Variants in STIM2 observed in about 807,000 individuals in gnomAD.
The protein encoded by STIM2 is stromal interaction molecule 2.
STIM2 carries 31 observed loss-of-function variants against 85.8 expected under a neutral mutation model. The observed-to-expected ratio is 0.36, with a 90% confidence interval of 0.27 to 0.49. The LOEUF is 0.49. Ranked by LOEUF, STIM2 falls within the 20% of genes least tolerant of loss-of-function variation. STIM2 has a pLI of 0.98. For synonymous variants in STIM2, 356 were observed against 331.1 expected, an observed-to-expected ratio of 1.08 and a Z score of -0.82; for missense variants, 841 against 927.6, an observed-to-expected ratio of 0.91 and a Z score of 1.21.
At chr4:26,896,395 C>T (rs1307166229) in intron 1 of STIM2, among the ~76,000 whole-genome samples, 1 of 152,170 alleles carries the variant, frequency 6.6e-6, no homozygotes, top group African/African-American at 2.4e-5. Context: ...CCATCATATT[C>T]ACAAGTCCTA....
At chr4:26,913,956 A>C (rs2109061524) in intron 1 of STIM2, among the ~76,000 whole-genome samples, 1 of 152,276 alleles carries the variant, frequency 6.6e-6, no homozygotes, top group Non-Finnish European at 1.5e-5. Context: ...AAGTAGAAAG[A>C]GTGAAGGAGA....
Position 27,007,547 on chromosome 4 carries a change from GA to G in STIM2, c.1001del (p.Lys334ArgfsTer8). The G allele has an allele frequency of 5.1e-6, 8 of 1,554,074 alleles. No individual in the cohort carries two copies. The highest frequency in any genetic ancestry group is 2.5e-5 in the South Asian group (2 of 80,350). The stretch of plus-strand genomic sequence containing the variant: ...CCTTCTTCTAGGTTCGCATGGCTCT[GA>G]AAAAGGCCGAAAAAGAATTTGAACT... On this transcript the variant is annotated frameshift_variant, in exon 8 of 12. Coordinates refer to ENST00000467087, the MANE Select transcript of STIM2 (RefSeq NM_020860.4). LOFTEE classifies it high-confidence loss of function.
chr4:26,918,826 T>C (rs1001511101), intron 1 of STIM2, among the ~76,000 whole-genome samples: 1 of 152,206 alleles, frequency 6.6e-6, no homozygotes, highest in Non-Finnish European at 1.5e-5. Context: ...ATATATTCCA[T>C]AGGGAAAGGG....
Position 26,995,382 on chromosome 4 carries a change from A to G in STIM2, c.401A>G (p.His134Arg), listed in dbSNP as rs768569978. ...ATTCCCCTTTTATCTCCTGCAGTTC[A>G]TAATTGGACCCTTGAAGACACTCTT... Residue 134 changes from histidine (H) to arginine (R), a missense_variant, in exon 4 of 12, where the codon CAT becomes CGT. By Grantham distance (29) the His-to-Arg change is conservative (BLOSUM62 0). This residue lies in a region of STIM2 where 408 missense variants were observed against 525.4 expected (regional missense o/e 0.78). Coordinates refer to ENST00000467087, the MANE Select transcript of STIM2 (RefSeq NM_020860.4). The G allele has an allele frequency of 4.5e-6, 7 of 1,564,896 alleles. No individual in the cohort carries two copies. The highest frequency in any genetic ancestry group is 1.7e-4 in the Middle Eastern group (1 of 5,940).
intron 1 of STIM2, among the ~76,000 whole-genome samples, chr4:26,898,754 A>G (rs1412289691): frequency 1.3e-5 from 2 of 151,904 alleles, no homozygotes; most frequent in Non-Finnish European, 2.9e-5. Context: ...TTTTCCTTTC[A>G]TTTCTTTATG....
At chr4:26,979,900 T>A (rs1727318504) in intron 3 of STIM2, among the ~76,000 whole-genome samples, 1 of 152,202 alleles carries the variant, frequency 6.6e-6, no homozygotes, top group Non-Finnish European at 1.5e-5. Flanking sequence ...ATTCATTTGA[T>A]GTTATTATGA....
At chr4:26,953,987 G>T (rs1335091566) in intron 2 of STIM2, among the ~76,000 whole-genome samples, 1 of 152,076 alleles carries the variant, frequency 6.6e-6, no homozygotes. Flanking sequence ...TCAGATAGCT[G>T]TGGTTATGGA....
intron 2 of STIM2, among the ~76,000 whole-genome samples, chr4:26,936,215 CA>C (rs1725387223): frequency 6.6e-6 from 1 of 152,178 alleles, no homozygotes; most frequent in Non-Finnish European, 1.5e-5. Flanking sequence ...CTGGTCCCAG[CA>C]TTTATTTAGT....
intron 1 of STIM2, chr4:26,874,232 A>C: frequency 4.5e-6 from 2 of 443,950 alleles, no homozygotes; most frequent in Non-Finnish European, 9.0e-6. Flanking sequence ...GGGCTGCGGC[A>C]GGGGTCTCCT....
Position 26,923,154 on chromosome 4 carries a change from C to A in STIM2, c.282+3520C>A, listed in dbSNP as rs1243410779. ...ACGGCAGGGTATTCCAACAGACCTGCAGCTGAGGGTCCTGTCTGTTAGAAG... is the reference window on the plus strand; with the variant it reads ...ACGGCAGGGTATTCCAACAGACCTGAAGCTGAGGGTCCTGTCTGTTAGAAG... On this transcript the variant is annotated intron_variant, in intron 2 of 11. Coordinates refer to ENST00000467087, the MANE Select transcript of STIM2 (RefSeq NM_020860.4). Among the ~76,000 whole-genome samples the A allele has an allele frequency of 2.0e-5, 3 of 151,344 alleles. No individual in the cohort carries two copies. The East Asian group carries it at 5.8e-4, about 29-fold the overall frequency.
chr4:26,922,772 A>T (rs1391122341), intron 2 of STIM2, among the ~76,000 whole-genome samples: 1 of 152,138 alleles, frequency 6.6e-6, no homozygotes, highest in African/African-American at 2.4e-5. Context: ...TCCTGAAACT[A>T]TTTAGGGCCC....
intron 3 of STIM2, among the ~76,000 whole-genome samples, chr4:26,977,792 A>T (rs543016124): frequency 6.6e-6 from 1 of 152,320 alleles, no homozygotes; most frequent in African/African-American, 2.4e-5. Context: ...ATTGAAAAAT[A>T]CTGGTTGAGA....
intron 1 of STIM2, among the ~76,000 whole-genome samples, chr4:26,882,731 G>T (rs1223348438): frequency 6.6e-6 from 1 of 152,026 alleles, no homozygotes; most frequent in East Asian, 1.9e-4. Context: ...CAAAGTGCTG[G>T]TATTACATGA....
chr4:26,966,789 T>C (rs967142753), intron 3 of STIM2, among the ~76,000 whole-genome samples: 15 of 152,128 alleles, frequency 9.9e-5, no homozygotes, highest in Non-Finnish European at 8.8e-5. Context: ...CTTAGCATGT[T>C]TTTATATCTT....
intron 10 of STIM2, among the ~76,000 whole-genome samples, chr4:27,016,485 G>A (rs1014036865): frequency 1.3e-5 from 2 of 152,184 alleles, no homozygotes; most frequent in African/African-American, 4.8e-5. Context: ...GTTGGGAGCA[G>A]TTTTTTATAT....
chr4:26,860,892 G>T lies in STIM2; in HGVS notation c.-327G>T, dbSNP rs1722138938. 1.9e-6 allele frequency: 2 copies of T among 1,036,468 alleles called. No individual in the cohort carries two copies. Among genetic ancestry groups the T allele is most frequent in the Admixed American group, 5.3e-5 (1 of 18,706 alleles). 64.2% of individuals were successfully genotyped at this position (1,036,468 alleles called of 1,614,324 possible). ...AGCAGCAGCGCGGGTGTCGTGCACC[G>T]CCTGAAGACGCCGTACCTTTCTACC... On this transcript the variant is annotated 5_prime_UTR_variant, in exon 1 of 12. Coordinates refer to ENST00000467087, the MANE Select transcript of STIM2 (RefSeq NM_020860.4).
At chr4:26,918,601 T>C (rs1186663915) in intron 1 of STIM2, among the ~76,000 whole-genome samples, 1 of 152,162 alleles carries the variant, frequency 6.6e-6, no homozygotes, top group Non-Finnish European at 1.5e-5. Context: ...TTGTAGTGAC[T>C]TGATAGAAGA....
chr4:26,863,909 T>C (rs1722305803), intron 1 of STIM2, among the ~76,000 whole-genome samples: 1 of 152,142 alleles, frequency 6.6e-6, no homozygotes, highest in South Asian at 2.1e-4. Flanking sequence ...TTTTAATACT[T>C]ACCTTTAGAA....
intron 10 of STIM2, among the ~76,000 whole-genome samples, chr4:27,013,799 C>T: frequency 6.6e-6 from 1 of 151,956 alleles, no homozygotes; most frequent in East Asian, 1.9e-4. Flanking sequence ...TGATTTTATT[C>T]TGTACCTTGA....
Sources: gnomAD v4.1 joint callset for allele counts (sites outside exome capture counted in the v4.1 genomes callset) on GRCh38, gnomAD v4.1.1 for gene constraint, gnomAD v4.1.1 regional missense constraint, MANE v1.5 for transcripts, NCBI Gene and HGNC (gene_info 2026-07-23, HGNC 2026-07-21) for gene names.